RICTOR: variants seen among roughly 807,000 people sequenced by gnomAD.
RICTOR encodes the protein RPTOR independent companion of MTOR complex 2.
A neutral mutation model predicts 214.9 loss-of-function variants in RICTOR; 49 were observed. The observed-to-expected ratio is 0.23, with a 90% CI of 0.18 to 0.29. The LOEUF is 0.29. Ranked by LOEUF, RICTOR falls within the 10% of genes least tolerant of loss-of-function variation. The pLI, the probability that RICTOR is intolerant of heterozygous loss-of-function variation, is 1.00. For missense variants in RICTOR, 1,625 were observed against 2,047.0 expected, an observed-to-expected ratio of 0.79 and a Z score of 3.98; for synonymous variants, 717 against 711.3, an observed-to-expected ratio of 1.01 and a Z score of -0.13.
At chr5:38,973,591 TC>T (rs1383058976) in intron 10 of RICTOR, among the ~76,000 whole-genome samples, 1 of 152,222 alleles carries the variant, frequency 6.6e-6, no homozygotes, top group Non-Finnish European at 1.5e-5. Flanking sequence ...TCCCTGTACT[TC>T]CAGCTAAGCG....
At chr5:38,996,483 A>G (rs1381733243) in intron 6 of RICTOR, among the ~76,000 whole-genome samples, 2 of 152,214 alleles carry the variant, frequency 1.3e-5, no homozygotes, top group Non-Finnish European at 2.9e-5. Flanking sequence ...TATGCAATTA[A>G]GAGAAAATCA....
At chr5:38,988,871 A>G (rs1014657500) in intron 7 of RICTOR, among the ~76,000 whole-genome samples, 4 of 152,212 alleles carry the variant, frequency 2.6e-5, no homozygotes, top group African/African-American at 9.6e-5. Context: ...AGAGAACACA[A>G]ACAAATGGAA....
chr5:38,979,633 A>T (rs779191417), intron 8 of RICTOR, among the ~76,000 whole-genome samples: 2 of 152,202 alleles, frequency 1.3e-5, no homozygotes, highest in Non-Finnish European at 2.9e-5. Context: ...TCAAAGTCTC[A>T]TAAGATTTCA....
At chr5:39,073,320 C>G (rs1056611720) in intron 2 of RICTOR, among the ~76,000 whole-genome samples, 1 of 152,090 alleles carries the variant, frequency 6.6e-6, no homozygotes, top group African/African-American at 2.4e-5. Flanking sequence ...GAGATAATGT[C>G]GAATAAACTC....
chr5:39,029,132 T>C (rs1756082469), intron 2 of RICTOR, among the ~76,000 whole-genome samples: 2 of 152,114 alleles, frequency 1.3e-5, no homozygotes, highest in Admixed American at 1.3e-4. Flanking sequence ...GGGAAGGGGA[T>C]AAAAATATGT....
At position 38,962,571 on chromosome 5, in the gene RICTOR, G is replaced by T; in HGVS notation, c.1582C>A (p.Leu528Ile). 1.9e-6 allele frequency: 3 copies of T among 1,546,664 alleles called. No homozygotes were observed. The highest frequency in any genetic ancestry group is 2.6e-6 in the Non-Finnish European group (3 of 1,134,042). Reference sequence around the variant, plus strand: ...TGGCTATCTCTAAGGTTAATTAAAAGAGCTTCCTCTGTATCCTAAAATCAT... The same window carrying T: ...TGGCTATCTCTAAGGTTAATTAAAATAGCTTCCTCTGTATCCTAAAATCAT... Reference protein sequence around the residue: ...IFILKDTEEALLINLRDSQVL... With the variant: ...IFILKDTEEAILINLRDSQVL... Residue 528 changes from leucine to isoleucine, a missense_variant, in exon 18 of 38, where the codon CTT becomes ATT. Transcript: ENST00000357387.
chr5:38,939,418 C>T lies in RICTOR; in HGVS notation c.*2886G>A, dbSNP rs1191036314. 3 of 231,912 alleles carry T rather than the reference C, an allele frequency of 1.3e-5. No individual in the cohort carries two copies. Among genetic ancestry groups the T allele is most frequent in the African/African-American group, 4.4e-5 (2 of 45,264 alleles). 14.4% of individuals were successfully genotyped at this position (231,912 alleles called of 1,614,324 possible). A position where few individuals can be genotyped will look rare whatever the true frequency, so the allele number is the denominator to read the frequency against. On this transcript the variant is annotated 3_prime_UTR_variant, in exon 38 of 38. Transcript: ENST00000357387. ...TATAGAATGTCCATATTCTACTAAT[C>T]GTTATTAGAAAAAATTTAATTAGGG...
chr5:39,004,822 C>A lies in RICTOR; in HGVS notation c.196-1200G>T, dbSNP rs182066430. Among the ~76,000 whole-genome samples, 687 of 136,330 alleles carry A rather than the reference C, an allele frequency of 5.0e-3. 11 individuals carry two copies. The highest frequency in any genetic ancestry group is 0.018 in the African/African-American group (657 of 35,954). 89.4% of individuals were successfully genotyped at this position (136,330 alleles called of 152,430 possible). A position where few individuals can be genotyped will look rare whatever the true frequency, so the allele number is the denominator to read the frequency against. ...TTGAGATGGAGTTTCATTCTTGTTG[C>A]CCAGACTGGAGCGCAATGGTGCAAT... is the stretch of plus-strand genomic sequence containing the variant. On this transcript the variant is annotated intron_variant, in intron 3 of 37. Coordinates refer to ENST00000357387, the MANE Select transcript of RICTOR (RefSeq NM_152756.5).
In RICTOR at chr5:39,026,685, G is replaced by A. The variant is rs151156698; in HGVS notation, c.98-5549C>T. Among the ~76,000 whole-genome samples, 11 of 151,620 alleles carry A rather than the reference G, an allele frequency of 7.3e-5. No individual in the cohort carries two copies. The East Asian group carries it at 1.6e-3, about 22-fold the overall frequency. The stretch of plus-strand genomic sequence containing the variant: ...CTGCTTGTGACACTGTAGATACTCT[G>A]TGGTATTGTTTTTAATAGATGAGTT... On this transcript the variant is annotated intron_variant, in intron 2 of 37. Transcript: ENST00000357387.
chr5:39,038,555 G>A (rs1011907325), intron 2 of RICTOR, among the ~76,000 whole-genome samples: 35 of 152,296 alleles, frequency 2.3e-4, no homozygotes, highest in African/African-American at 7.5e-4. Flanking sequence ...TGATATGATT[G>A]TATATTTAGA....
intron 34 of RICTOR, 54 bp downstream of exon 34, chr5:38,945,437 C>T: frequency 8.1e-7 from 1 of 1,232,654 alleles, no homozygotes; most frequent in Non-Finnish European, 1.2e-6. Flanking sequence ...AAAAGTAAAC[C>T]AGAGAACTTT....
intron 2 of RICTOR, among the ~76,000 whole-genome samples, chr5:39,063,358 A>G (rs371086165): frequency 6.6e-6 from 1 of 152,166 alleles, no homozygotes; most frequent in East Asian, 1.9e-4. Flanking sequence ...TATCCAGGAA[A>G]ACAAAACTTA....
intron 2 of RICTOR, among the ~76,000 whole-genome samples, chr5:39,028,417 C>T (rs1036935439): frequency 1.3e-5 from 2 of 151,782 alleles, no homozygotes; most frequent in African/African-American, 4.8e-5. Flanking sequence ...CTCCTGACCT[C>T]GTGATCCGCC....
intron 7 of RICTOR, 139 bp downstream of exon 7, chr5:38,990,801 TATATATGAG>T (rs1440851268): frequency 4.9e-5 from 4 of 80,916 alleles, no homozygotes; most frequent in East Asian, 3.4e-4. Flanking sequence ...AGATATATGA[TATATATGAG>T]ATATATGAGA....
In RICTOR at chr5:38,949,729, G is replaced by A. The variant is rs1438532229; in HGVS notation, c.4119C>T (p.Ser1373=). Residue 1373 remains serine (S), a synonymous_variant, in exon 31 of 38, where the codon TCC becomes TCT. Transcript: ENST00000357387. The part of the protein sequence containing the change: ...TITMKANSFE[S]RLTPSRFMKA... ...TTGCTTACCTGCTTGGTGTTAATCT[G>A]GACTCAAAACTGTTGGCCTTCATGG... 2 of 1,612,672 alleles carry A rather than the reference G, an allele frequency of 1.2e-6. No homozygotes were observed. Among genetic ancestry groups the A allele is most frequent in the Non-Finnish European group, 1.7e-6 (2 of 1,179,194 alleles).
At chr5:39,059,288 A>G (rs541621135) in intron 2 of RICTOR, among the ~76,000 whole-genome samples, 1 of 152,268 alleles carries the variant, frequency 6.6e-6, no homozygotes, top group East Asian at 1.9e-4. Context: ...GCATGAGTAC[A>G]TTTTATAAAG....
At chr5:39,043,044 A>G (rs1179429884) in intron 2 of RICTOR, among the ~76,000 whole-genome samples, 3 of 152,206 alleles carry the variant, frequency 2.0e-5, no homozygotes, top group Non-Finnish European at 4.4e-5. Flanking sequence ...CAGCCATTAT[A>G]GAAAATAGTA....
intron 2 of RICTOR, among the ~76,000 whole-genome samples, chr5:39,067,682 C>G (rs1164519708): frequency 6.6e-5 from 10 of 152,112 alleles, no homozygotes; most frequent in African/African-American, 2.4e-4. Flanking sequence ...ACCTCCATTC[C>G]AGTATTTGCT....
At chr5:38,951,543 T>C (rs561080239) in intron 30 of RICTOR, among the ~76,000 whole-genome samples, 1 of 152,096 alleles carries the variant, frequency 6.6e-6, no homozygotes, top group South Asian at 2.1e-4. Flanking sequence ...GCACTTCTTC[T>C]TTCTTCTTCT....
Sources: gnomAD v4.1 joint callset for allele counts (sites outside exome capture counted in the v4.1 genomes callset) on GRCh38, gnomAD v4.1.1 for gene constraint, MANE v1.5 for transcripts, NCBI Gene and HGNC (gene_info 2026-07-23, HGNC 2026-07-21) for gene names.